SLCO3A1: variants seen among roughly 807,000 people sequenced by gnomAD.
SLCO3A1 encodes PGE1 transporter.
SLCO3A1 carries 27 observed loss-of-function variants against 63.1 expected under a neutral mutation model. That is an observed-to-expected ratio of 0.43 (90% CI 0.32 to 0.59). The LOEUF (loss-of-function observed/expected upper bound fraction) is 0.59. Among genes scored for constraint, SLCO3A1 ranks in the 20% least tolerant of loss-of-function variants. The probability of loss-of-function intolerance (pLI) is 0.09; values close to 1 mark genes in which losing one functional copy is unlikely to be tolerated. For missense variants in SLCO3A1, 773 were observed against 945.8 expected, an observed-to-expected ratio of 0.82 and a Z score of 2.40; for synonymous variants, 473 against 409.9, an observed-to-expected ratio of 1.15 and a Z score of -1.86.
At chr15:91,956,559 G>C (rs1900184969) in intron 2 of SLCO3A1, among the ~76,000 whole-genome samples, 1 of 152,006 alleles carries the variant, frequency 6.6e-6, no homozygotes, top group Non-Finnish European at 1.5e-5. Context: ...GAGATCTTTA[G>C]CCTTGTCTGA....
At chr15:92,044,564 G>C (rs369843229) in intron 2 of SLCO3A1, among the ~76,000 whole-genome samples, 2 of 152,158 alleles carry the variant, frequency 1.3e-5, no homozygotes. Context: ...CCCCACTCTG[G>C]AGCTCCTTCC....
intron 2 of SLCO3A1, among the ~76,000 whole-genome samples, chr15:92,046,067 T>A (rs2151491450): frequency 6.6e-6 from 1 of 152,292 alleles, no homozygotes; most frequent in East Asian, 1.9e-4. Flanking sequence ...CTCCTAGGTG[T>A]CTGATGTATA....
chr15:91,936,303 C>T (rs1457004246), intron 2 of SLCO3A1, among the ~76,000 whole-genome samples: 2 of 152,238 alleles, frequency 1.3e-5, no homozygotes, highest in Non-Finnish European at 2.9e-5. Flanking sequence ...GTCCTATGAT[C>T]TGGAGCTGCA....
chr15:91,916,183 C>A lies in SLCO3A1; in HGVS notation c.371C>A (p.Ala124Glu). ...ATGGCGCTGGGCGCGCTGCTGTCGG[C>A]GCTGCCCGAGTTCCTGACCCACCAG... Reference protein sequence around the residue: ...IVMALGALLSALPEFLTHQYK... With the variant: ...IVMALGALLSELPEFLTHQYK... Residue 124 changes from alanine (A) to glutamate (E), a missense_variant, in exon 2 of 10, where the codon GCG (alanine) becomes GAG (glutamate). Coordinates refer to ENST00000318445, the MANE Select transcript of SLCO3A1 (RefSeq NM_013272.4). This position sits in a 1 kb window ranked among gnomAD's most constrained non-coding sequence, Gnocchi z 6.2. 1 of 1,598,204 alleles carries A rather than the reference C, an allele frequency of 6.3e-7. No individual in the cohort carries two copies.
At chr15:91,998,827 GAC>G (rs2046220960) in intron 2 of SLCO3A1, among the ~76,000 whole-genome samples, 1 of 152,192 alleles carries the variant, frequency 6.6e-6, no homozygotes, top group Admixed American at 6.5e-5. Context: ...CTACTAAAAA[GAC>G]ACATGTACGT....
intron 2 of SLCO3A1, among the ~76,000 whole-genome samples, chr15:91,960,262 C>A (rs961894175): frequency 1.3e-5 from 2 of 152,194 alleles, no homozygotes; most frequent in African/African-American, 4.8e-5. Flanking sequence ...AGATTACAGG[C>A]GTGAGCCACC....
intron 2 of SLCO3A1, among the ~76,000 whole-genome samples, chr15:92,051,413 A>G (rs2046955862): frequency 6.6e-6 from 1 of 152,284 alleles, no homozygotes; most frequent in South Asian, 2.1e-4. Flanking sequence ...TTTAGACTTC[A>G]TCTTGTGGGC....
chr15:92,129,930 A>T (rs1461045001), intron 7 of SLCO3A1, among the ~76,000 whole-genome samples: 2 of 152,210 alleles, frequency 1.3e-5, no homozygotes, highest in Non-Finnish European at 2.9e-5. Context: ...CAATTTCTTT[A>T]TGTGAGTGGA....
At chr15:92,140,454 G>T (rs1212386125) in intron 7 of SLCO3A1, among the ~76,000 whole-genome samples, 1 of 151,562 alleles carries the variant, frequency 6.6e-6, no homozygotes, top group Non-Finnish European at 1.5e-5. Flanking sequence ...CGTATATTCT[G>T]TTGATTTGGG....
At chr15:91,911,861 G>T (rs1898497631) in intron 1 of SLCO3A1, among the ~76,000 whole-genome samples, 1 of 152,056 alleles carries the variant, frequency 6.6e-6, no homozygotes, top group Admixed American at 6.6e-5. Flanking sequence ...TCTTGACCTT[G>T]TGATCCGCCT....
At chr15:91,965,673 A>G (rs909018909) in intron 2 of SLCO3A1, among the ~76,000 whole-genome samples, 7 of 151,852 alleles carry the variant, frequency 4.6e-5, no homozygotes, top group Admixed American at 4.6e-4. Context: ...ACCAAGTCCA[A>G]AGGAATCTTT....
intron 2 of SLCO3A1, among the ~76,000 whole-genome samples, chr15:92,080,149 T>A (rs1274669751): frequency 6.6e-6 from 1 of 152,180 alleles, no homozygotes; most frequent in Non-Finnish European, 1.5e-5. Context: ...CTGCAGATCC[T>A]CCCCGAGCAT....
intron 2 of SLCO3A1, among the ~76,000 whole-genome samples, chr15:92,050,271 C>T (rs1303542909): frequency 6.6e-6 from 1 of 152,218 alleles, no homozygotes; most frequent in Non-Finnish European, 1.5e-5. Context: ...GCTGGGCACT[C>T]TGCCCTTGAG....
At chr15:92,105,526 C>T (rs776388115) in intron 4 of SLCO3A1, among the ~76,000 whole-genome samples, 1 of 152,138 alleles carries the variant, frequency 6.6e-6, no homozygotes, top group Non-Finnish European at 1.5e-5. Flanking sequence ...CCACCACCGC[C>T]CAAGTTGTTT....
At chr15:91,909,091 G>C (rs1338161985) in intron 1 of SLCO3A1, among the ~76,000 whole-genome samples, 1 of 152,032 alleles carries the variant, frequency 6.6e-6, no homozygotes, top group Admixed American at 6.6e-5. Context: ...AACAAACAAA[G>C]AAACCCAAAA....
intron 7 of SLCO3A1, among the ~76,000 whole-genome samples, chr15:92,144,052 G>T (rs779031189): frequency 1.3e-5 from 2 of 152,226 alleles, no homozygotes; most frequent in Non-Finnish European, 2.9e-5. Flanking sequence ...GGGACAGGTC[G>T]GCGCCTTCCG....
chr15:92,151,094 A>G, intron 9 of SLCO3A1, 80 bp downstream of exon 9: 1 of 967,388 alleles, frequency 1.0e-6, no homozygotes, highest in Non-Finnish European at 1.6e-6. Context: ...AAATTATCCC[A>G]TTTCCTAGGT....
intron 2 of SLCO3A1, among the ~76,000 whole-genome samples, chr15:91,998,290 C>T (rs2046215018): frequency 6.6e-6 from 1 of 151,970 alleles, no homozygotes; most frequent in South Asian, 2.1e-4. Flanking sequence ...CCCATCTGTA[C>T]TAAAAATACA....
chr15:91,909,993 G>A (rs1297550412), intron 1 of SLCO3A1, among the ~76,000 whole-genome samples: 2 of 152,158 alleles, frequency 1.3e-5, no homozygotes, highest in East Asian at 1.9e-4. Context: ...GCAGAAGAGC[G>A]GCTCCTGCTC....
Sources: gnomAD v4.1 joint callset for allele counts (sites outside exome capture counted in the v4.1 genomes callset) on GRCh38, gnomAD v4.1.1 for gene constraint, Gnocchi (gnomAD v3.1) non-coding constraint, MANE v1.5 for transcripts, NCBI Gene and HGNC (gene_info 2026-07-23, HGNC 2026-07-21) for gene names.